C12orf42: variants seen among roughly 807,000 people sequenced by gnomAD.
The protein encoded by C12orf42 is uncharacterized protein C12orf42.
In C12orf42, 25 loss-of-function variants were observed where a neutral mutation model predicts 21.6. That is an observed-to-expected ratio of 1.16 (90% CI 0.84 to 1.62). C12orf42 has a LOEUF of 1.62. Ranked by LOEUF, C12orf42 falls within the 40% of genes most tolerant of loss-of-function variation. The pLI is 0.00. For missense variants in C12orf42, 483 were observed against 459.3 expected, an observed-to-expected ratio of 1.05 and a Z score of -0.47; for synonymous variants, 174 against 175.0, an observed-to-expected ratio of 0.99 and a Z score of 0.05.
chr12:103,500,489 GA>G (rs113290785), upstream of C12orf42, among the ~76,000 whole-genome samples: 2,921 of 152,302 alleles, frequency 0.019, 92 homozygotes, highest in African/African-American at 0.066. Flanking sequence ...GACACTCCTG[GA>G]TTGGGTAAAA....
the C12orf42 span, among the ~76,000 whole-genome samples, chr12:103,517,412 C>A: frequency 6.6e-6 from 1 of 152,124 alleles, no homozygotes; most frequent in Admixed American, 6.6e-5. Flanking sequence ...GATGACTTAC[C>A]CATGAGATTT....
the C12orf42 span, among the ~76,000 whole-genome samples, chr12:103,533,046 CTCAT>C: frequency 6.6e-6 from 1 of 152,218 alleles, no homozygotes; most frequent in African/African-American, 2.4e-5. Flanking sequence ...TCCTTTCAGA[CTCAT>C]TCCACCAGCA....
chr12:103,274,310 C>A (rs757326480), intron 5 of C12orf42, among the ~76,000 whole-genome samples: 4 of 152,194 alleles, frequency 2.6e-5, no homozygotes, highest in African/African-American at 4.8e-5. Context: ...GAATCAGATG[C>A]TCCTGTGTCC....
intron 4 of C12orf42, among the ~76,000 whole-genome samples, chr12:103,343,774 C>CAA (rs397747722): frequency 1.6e-3 from 102 of 62,844 alleles, no homozygotes; most frequent in African/African-American, 2.5e-3. Flanking sequence ...AACTCTGTCA[C>CAA]AAAAAAAAAA....
chr12:103,210,370 C>T, the C12orf42 span, among the ~76,000 whole-genome samples: 8 of 152,016 alleles, frequency 5.3e-5, no homozygotes, highest in African/African-American at 1.7e-4. Flanking sequence ...TATAATTCTT[C>T]CCAAACTCAC....
chr12:103,133,158 G>C, the C12orf42 span, among the ~76,000 whole-genome samples: 1 of 152,092 alleles, frequency 6.6e-6, no homozygotes, highest in Non-Finnish European at 1.5e-5. Context: ...CATCCAACCT[G>C]CTACTACCAC....
rs549746543 is a variant in C12orf42 at position 103,404,553 on chromosome 12, TG to T, written c.79-2879del. On this transcript the variant is annotated intron_variant, in intron 2 of 5. Coordinates refer to ENST00000548883, the MANE Select transcript of C12orf42 (RefSeq NM_198521.5). ...ACACTTATAAAGCAATTAACTTGTT[TG>T]GCAGTAATTACACATTGAAAGCTAA... 1.1e-3 allele frequency among the ~76,000 whole-genome samples: 161 copies of T among 152,354 alleles called. 2 individuals carry two copies. In the Middle Eastern group the frequency reaches 0.02, roughly 19 times the overall value.
the C12orf42 span, among the ~76,000 whole-genome samples, chr12:103,082,514 A>G: frequency 6.6e-6 from 1 of 152,322 alleles, no homozygotes; most frequent in South Asian, 2.1e-4. Flanking sequence ...GATTTATTCA[A>G]TAAATATCTG....
At chr12:103,207,454 G>A in the C12orf42 span, among the ~76,000 whole-genome samples, 27 of 152,314 alleles carry the variant, frequency 1.8e-4, 2 homozygotes, top group Admixed American at 7.8e-4. Context: ...ACACACGTGC[G>A]CGCGCACAGA....
chr12:103,243,350 T>C (rs937753219), intron 10 of C12orf42, among the ~76,000 whole-genome samples: 2 of 152,160 alleles, frequency 1.3e-5, no homozygotes, highest in Middle Eastern at 6.8e-3. Flanking sequence ...ATATAATGTA[T>C]ATGAAAGTAA....
rs74863829 is a variant in C12orf42, at chr12:103,353,960, A to T, written c.259+14927T>A. On this transcript the variant is annotated intron_variant, in intron 4 of 5. Transcript: ENST00000548883. The stretch of plus-strand genomic sequence containing the variant: ...GAAATCTTCAGGGAATCAGAGAGAG[A>T]GAGTTACCCAGCAAGGCTCAATCAG... Among the ~76,000 whole-genome samples, 502 of 152,268 alleles carry T rather than the reference A, an allele frequency of 3.3e-3. 3 individuals carry two copies. Among genetic ancestry groups the T allele is most frequent in the African/African-American group, 0.011 (476 of 41,574 alleles).
At chr12:103,412,737 T>C (rs1462180084) in intron 2 of C12orf42, among the ~76,000 whole-genome samples, 1 of 152,214 alleles carries the variant, frequency 6.6e-6, no homozygotes, top group Non-Finnish European at 1.5e-5. Flanking sequence ...GCATTTTTCA[T>C]ATATTTATTG....
At chr12:103,496,516 G>T (rs767316047), upstream of C12orf42, among the ~76,000 whole-genome samples, 2 of 152,140 alleles carry the variant, frequency 1.3e-5, no homozygotes, top group Admixed American at 6.5e-5. Flanking sequence ...AGGACATTTA[G>T]CTGTGCCAAC....
chr12:103,236,232 T>C (rs1194066487), downstream of C12orf42, among the ~76,000 whole-genome samples: 1 of 152,248 alleles, frequency 6.6e-6, no homozygotes, highest in Non-Finnish European at 1.5e-5. Context: ...GTCAGAATGC[T>C]ATGTTAACAC....
chr12:103,293,875 C>A (rs1032088754), intron 4 of C12orf42, among the ~76,000 whole-genome samples: 1 of 152,126 alleles, frequency 6.6e-6, no homozygotes, highest in Non-Finnish European at 1.5e-5. Context: ...GATTTTGGGT[C>A]TCACGACTGT....
the C12orf42 span, among the ~76,000 whole-genome samples, chr12:103,159,810 G>C: frequency 6.6e-6 from 1 of 152,166 alleles, no homozygotes; most frequent in African/African-American, 2.4e-5. Context: ...ACTCTTTGAA[G>C]ACAGGGACCC....
chr12:103,277,356 A>C (rs1215686217), intron 4 of C12orf42: 11 of 253,642 alleles, frequency 4.3e-5, no homozygotes, highest in Admixed American at 3.6e-4. Flanking sequence ...AAACAGAAGG[A>C]TGGCATTATG....
the C12orf42 span, among the ~76,000 whole-genome samples, chr12:103,200,007 A>T: frequency 9.9e-5 from 15 of 152,168 alleles, no homozygotes; most frequent in Non-Finnish European, 1.9e-4. Flanking sequence ...TGAAATCAGG[A>T]TCTGGAAGAG....
At chr12:103,300,736 T>C (rs1394760842), downstream of C12orf42, among the ~76,000 whole-genome samples, 1 of 152,222 alleles carries the variant, frequency 6.6e-6, no homozygotes, top group Non-Finnish European at 1.5e-5. Flanking sequence ...TCCATGAGTT[T>C]GCCTAACACA....
Sources: allele counts gnomAD v4.1 joint callset (sites outside exome capture counted in the v4.1 genomes callset), GRCh38; gene constraint gnomAD v4.1.1; transcripts MANE v1.5; gene names NCBI Gene and HGNC (gene_info 2026-07-23, HGNC 2026-07-21).